MYO9A: variants seen among roughly 807,000 people sequenced by gnomAD.
MYO9A encodes the protein unconventional myosin-IXa.
A neutral mutation model predicts 293.3 loss-of-function variants in MYO9A; 103 were observed. The ratio of observed to expected loss-of-function variants is 0.35; its 90% CI spans 0.30 to 0.41. The LOEUF is 0.41. MYO9A is among the 10% of genes least tolerant of loss of function. MYO9A has a pLI of 1.00. For missense variants in MYO9A, 2,685 were observed against 3,033.0 expected, an observed-to-expected ratio of 0.89 and a Z score of 2.69; for synonymous variants, 1,001 against 1,035.7, an observed-to-expected ratio of 0.97 and a Z score of 0.64.
chr15:72,029,868 A>G (rs890856553), intron 3 of MYO9A, among the ~76,000 whole-genome samples: 5 of 151,952 alleles, frequency 3.3e-5, no homozygotes, highest in Admixed American at 2.6e-4. Context: ...ATTAGGACAA[A>G]CCTCTTAGAG....
At chr15:71,845,252 A>G (rs984679883) in intron 39 of MYO9A, among the ~76,000 whole-genome samples, 3 of 151,590 alleles carry the variant, frequency 2.0e-5, no homozygotes, top group African/African-American at 7.3e-5. Context: ...TCATATCCCA[A>G]TGCCTGCAGT....
intron 16 of MYO9A, 74 bp downstream of exon 16, chr15:71,938,778 G>A: frequency 7.5e-7 from 1 of 1,335,202 alleles, no homozygotes; most frequent in Non-Finnish European, 1.0e-6. Flanking sequence ...AACTTTTAAA[G>A]TCACAAAAAT....
chr15:72,113,392 C>T (rs563607713), intron 1 of MYO9A, among the ~76,000 whole-genome samples: 4 of 152,088 alleles, frequency 2.6e-5, no homozygotes, highest in African/African-American at 7.2e-5. Context: ...ATGTAAAAGA[C>T]GAGAGAGAAA....
chr15:71,988,931 G>A (rs1416612519), intron 11 of MYO9A, among the ~76,000 whole-genome samples: 21 of 152,128 alleles, frequency 1.4e-4, no homozygotes, highest in Admixed American at 1.4e-3. Flanking sequence ...GTCTCACTCT[G>A]TCACCCAGGC....
chr15:72,111,668 A>C (rs1305612046), intron 1 of MYO9A, among the ~76,000 whole-genome samples: 1 of 146,544 alleles, frequency 6.8e-6, no homozygotes, highest in Non-Finnish European at 1.5e-5. Context: ...GCAGGGTCTC[A>C]CTCTGTTGCC....
chr15:72,036,684 C>T (rs373871411), intron 2 of MYO9A: 11 of 152,024 alleles, frequency 7.2e-5, no homozygotes, highest in Middle Eastern at 6.3e-3. Flanking sequence ...AAAACTCACA[C>T]AAAGGGTACT....
chr15:71,978,304 A>C lies in MYO9A; in HGVS notation c.1723-12T>G. 1 of 1,590,254 alleles carries C rather than the reference A, an allele frequency of 6.3e-7. No individual in the cohort carries two copies. Among genetic ancestry groups the C allele is most frequent in the Non-Finnish European group, 8.5e-7 (1 of 1,169,818 alleles). On this transcript the variant is annotated splice_polypyrimidine_tract_variant and intron_variant, in intron 11 of 41. Coordinates refer to ENST00000356056, the MANE Select transcript of MYO9A (RefSeq NM_006901.4). ...GTTCTATATTCCTCCTAGAAAAACCAAAAAATAAAATAACAATTTATTCAT... is the reference window on the plus strand; with the variant it reads ...GTTCTATATTCCTCCTAGAAAAACCCAAAAATAAAATAACAATTTATTCAT...
chr15:71,968,928 A>G (rs1020810236), intron 12 of MYO9A, among the ~76,000 whole-genome samples: 6 of 152,236 alleles, frequency 3.9e-5, no homozygotes, highest in Non-Finnish European at 8.8e-5. Flanking sequence ...AAGTTGCTTA[A>G]TACAAATCTA....
At chr15:71,877,827 T>C (rs577429489) in intron 31 of MYO9A, among the ~76,000 whole-genome samples, 2 of 152,318 alleles carry the variant, frequency 1.3e-5, no homozygotes, top group Admixed American at 1.3e-4. Flanking sequence ...GAACAAAGTA[T>C]TGATTACAGA....
At chr15:71,990,093 T>TA (rs1407482424) in intron 11 of MYO9A, among the ~76,000 whole-genome samples, 1 of 150,486 alleles carries the variant, frequency 6.6e-6, no homozygotes, top group Non-Finnish European at 1.5e-5. Context: ...TAAGCAATTT[T>TA]TTTTTTTTTT....
In MYO9A at chr15:72,118,053, G is replaced by C; in HGVS notation, c.-445C>G. 1 of 396,144 alleles carries C rather than the reference G, an allele frequency of 2.5e-6. No homozygotes were observed. The highest frequency in any genetic ancestry group is 4.5e-6 in the Non-Finnish European group (1 of 224,436). 24.5% of individuals were successfully genotyped at this position (396,144 alleles called of 1,614,324 possible). ...CTCTCAACAGACACAGCCAACCGCCGCCGCGTCCCTTATCCGCTTCGGTCG... is the reference window on the plus strand; with the variant it reads ...CTCTCAACAGACACAGCCAACCGCCCCCGCGTCCCTTATCCGCTTCGGTCG... On this transcript the variant is annotated 5_prime_UTR_variant, in exon 1 of 42. Coordinates refer to ENST00000356056, the MANE Select transcript of MYO9A (RefSeq NM_006901.4).
chr15:71,899,172 T>C (rs1200018364), intron 24 of MYO9A, 140 bp from the exon 25 acceptor site: 3 of 756,786 alleles, frequency 4.0e-6, no homozygotes, highest in East Asian at 2.6e-5. Flanking sequence ...CTAACTTGAA[T>C]GCACATTTCA....
chr15:71,913,001 A>G (rs1351133698), intron 19 of MYO9A, among the ~76,000 whole-genome samples: 1 of 145,534 alleles, frequency 6.9e-6, no homozygotes, highest in Non-Finnish European at 1.5e-5. Context: ...AGATTCTTTG[A>G]TCTCCGTAGT....
intron 12 of MYO9A, among the ~76,000 whole-genome samples, chr15:71,974,682 T>A (rs2076093074): frequency 6.6e-6 from 1 of 152,216 alleles, no homozygotes; most frequent in Non-Finnish European, 1.5e-5. Flanking sequence ...GGGTGGGTTG[T>A]ACCTTCACTC....
intron 16 of MYO9A, among the ~76,000 whole-genome samples, chr15:71,936,513 A>T (rs1796559108): frequency 6.6e-6 from 1 of 152,192 alleles, no homozygotes; most frequent in Non-Finnish European, 1.5e-5. Context: ...AAAATGACAC[A>T]TATTTGAGAC....
At chr15:72,026,368 G>A (rs977962090) in intron 4 of MYO9A, among the ~76,000 whole-genome samples, 1 of 150,726 alleles carries the variant, frequency 6.6e-6, no homozygotes, top group East Asian at 1.9e-4. Context: ...AATAACCAGT[G>A]GGTTAAAGAA....
intron 1 of MYO9A, among the ~76,000 whole-genome samples, chr15:72,060,432 C>T (rs1217457049): frequency 6.6e-6 from 1 of 151,950 alleles, no homozygotes; most frequent in African/African-American, 2.4e-5. Context: ...AATAAAAGAG[C>T]CACTGGTGAG....
chr15:71,868,619 T>C (rs559955782), intron 32 of MYO9A, among the ~76,000 whole-genome samples: 29 of 152,252 alleles, frequency 1.9e-4, no homozygotes, highest in African/African-American at 7.0e-4. Context: ...CTGCCTACCA[T>C]AGACAGAGAA....
chr15:72,046,772 G>C (rs935569091), intron 1 of MYO9A, 138 bp from the exon 2 acceptor site: 9 of 450,554 alleles, frequency 2.0e-5, no homozygotes, highest in Non-Finnish European at 3.0e-5. Flanking sequence ...CACAGCAACA[G>C]TTTCATTGAG....
Sources: gnomAD v4.1 joint callset for allele counts (sites outside exome capture counted in the v4.1 genomes callset) on GRCh38, gnomAD v4.1.1 for gene constraint, MANE v1.5 for transcripts, NCBI Gene and HGNC (gene_info 2026-07-23, HGNC 2026-07-21) for gene names.